Variants in SHQ1 observed in about 807,000 individuals in gnomAD.
SHQ1 encodes the protein protein SHQ1 homolog.
A neutral mutation model predicts 53.8 loss-of-function variants in SHQ1; 49 were observed. That is an observed-to-expected ratio of 0.91 (90% confidence interval 0.72 to 1.16). SHQ1 has a LOEUF of 1.16. Ranked by LOEUF, SHQ1 falls within the 50% of genes most tolerant of loss-of-function variation. The pLI is 0.00. For synonymous variants in SHQ1, 243 were observed against 251.0 expected (o/e 0.97, Z 0.30); for missense variants, 738 against 683.1 (o/e 1.08, Z -0.90).
chr3:72,823,029 G>C (rs1466463897), intron 6 of SHQ1, among the ~76,000 whole-genome samples: 1 of 151,726 alleles, frequency 6.6e-6, no homozygotes, highest in Non-Finnish European at 1.5e-5. Context: ...GGTGCCTGTA[G>C]TCCCAGCTAC....
intron 10 of SHQ1, among the ~76,000 whole-genome samples, chr3:72,778,384 G>A (rs1706001412): frequency 6.6e-6 from 1 of 151,940 alleles, no homozygotes; most frequent in East Asian, 1.9e-4. Flanking sequence ...AGGAGTTTGA[G>A]GCTGCAGTGA....
At chr3:72,772,671 T>A in intron 10 of SHQ1, 1 of 720,450 alleles carries the variant, frequency 1.4e-6, no homozygotes, top group Non-Finnish European at 2.6e-6. Context: ...TTGATGGTGC[T>A]TCCATCAAGT....
At chr3:72,762,683 T>C (rs1169778393) in intron 10 of SHQ1, among the ~76,000 whole-genome samples, 1 of 152,074 alleles carries the variant, frequency 6.6e-6, no homozygotes, top group Non-Finnish European at 1.5e-5. Context: ...TGCCTCCAGT[T>C]TTTTTTCTTG....
downstream of SHQ1, among the ~76,000 whole-genome samples, chr3:72,745,411 G>A (rs1457295034): frequency 6.6e-6 from 1 of 152,116 alleles, no homozygotes; most frequent in Non-Finnish European, 1.5e-5. Flanking sequence ...CCACAGCAAG[G>A]CCTCCGATTA....
chr3:72,784,337 ATT>A (rs1706162303), intron 10 of SHQ1, among the ~76,000 whole-genome samples: 1 of 152,174 alleles, frequency 6.6e-6, no homozygotes, highest in Non-Finnish European at 1.5e-5. Context: ...TTATTGGCAC[ATT>A]TCTTGTAAGA....
At chr3:72,781,821 T>C (rs1706082606) in intron 10 of SHQ1, among the ~76,000 whole-genome samples, 1 of 152,168 alleles carries the variant, frequency 6.6e-6, no homozygotes. Context: ...CTAAAAATCA[T>C]TTTTGCCATC....
At chr3:72,813,196 G>T (rs1707178541) in intron 8 of SHQ1, among the ~76,000 whole-genome samples, 1 of 152,196 alleles carries the variant, frequency 6.6e-6, no homozygotes, top group Non-Finnish European at 1.5e-5. Flanking sequence ...AACTCACCGG[G>T]AGTGGTGGCT....
At chr3:72,844,115 C>A (rs560980517) in intron 2 of SHQ1, among the ~76,000 whole-genome samples, 1 of 152,228 alleles carries the variant, frequency 6.6e-6, no homozygotes, top group East Asian at 1.9e-4. Flanking sequence ...AGGGGAAGTA[C>A]TCTAGGAAAT....
In SHQ1 at chr3:72,812,734, G is replaced by C. The variant is rs759531964; in HGVS notation, c.997C>G (p.Leu333Val). The change falls in exon 9 of 11, where the codon CTC becomes GTC. Residue 333 changes from leucine (L) to valine (V), a missense_variant. Physicochemically the swap from Leu to Val is conservative, Grantham distance 32. Coordinates refer to ENST00000325599, the MANE Select transcript of SHQ1 (RefSeq NM_018130.3). ...ATCACCAGCTTGAAATGGCGATAGA[G>C]TGGGTAACACAACACCCTTCTTCCA... ...SFGRRVLCYPLYRHFKLVMKA... is the reference protein window; with the variant it reads ...SFGRRVLCYPVYRHFKLVMKA... 1.2e-6 allele frequency: 2 copies of C among 1,613,942 alleles called. No homozygotes were observed. The highest frequency in any genetic ancestry group is 4.5e-5 in the East Asian group (2 of 44,860).
At chr3:72,749,097 T>C (rs1354164576), downstream of SHQ1, among the ~76,000 whole-genome samples, 3 of 152,168 alleles carry the variant, frequency 2.0e-5, no homozygotes, top group African/African-American at 7.2e-5. Flanking sequence ...ATAACCATCA[T>C]GTGGAAGACT....
chr3:72,810,661 T>C (rs868047241), intron 9 of SHQ1, among the ~76,000 whole-genome samples: 1 of 152,210 alleles, frequency 6.6e-6, no homozygotes, highest in South Asian at 2.1e-4. Context: ...AAACCAGAGC[T>C]ACCTTTATTT....
the SHQ1 span, among the ~76,000 whole-genome samples, chr3:72,727,831 C>T: frequency 2.0e-5 from 3 of 152,136 alleles, no homozygotes. Context: ...GACCAGATCA[C>T]CTCCGCTCAC....
intron 10 of SHQ1, among the ~76,000 whole-genome samples, chr3:72,769,450 T>C (rs1301705903): frequency 3.3e-5 from 5 of 152,166 alleles, no homozygotes; most frequent in African/African-American, 1.2e-4. Context: ...TATATCTCAA[T>C]ACGTACCTGC....
At chr3:72,769,261 T>A (rs1705797181) in intron 10 of SHQ1, among the ~76,000 whole-genome samples, 1 of 152,214 alleles carries the variant, frequency 6.6e-6, no homozygotes, top group Non-Finnish European at 1.5e-5. Context: ...ACTTCCGTTA[T>A]TTCAAGAGCA....
intron 10 of SHQ1, among the ~76,000 whole-genome samples, chr3:72,779,665 A>T (rs1706033536): frequency 6.6e-6 from 1 of 152,196 alleles, no homozygotes; most frequent in Non-Finnish European, 1.5e-5. Context: ...CAGATACTCA[A>T]GTCTAAAGCA....
intron 6 of SHQ1, 98 bp from the exon 7 acceptor site, chr3:72,817,482 G>T: frequency 1.7e-6 from 2 of 1,152,050 alleles, no homozygotes; most frequent in Non-Finnish European, 2.4e-6. Context: ...TATAGAAACT[G>T]AAATAAAAGT....
chr3:72,806,725 T>C (rs1302847878), intron 9 of SHQ1, among the ~76,000 whole-genome samples: 4 of 152,118 alleles, frequency 2.6e-5, no homozygotes, highest in Non-Finnish European at 5.9e-5. Flanking sequence ...CCTCACATGG[T>C]TTACTCACAA....
intron 5 of SHQ1, among the ~76,000 whole-genome samples, chr3:72,829,261 G>T (rs989349045): frequency 6.6e-6 from 1 of 152,100 alleles, no homozygotes; most frequent in African/African-American, 2.4e-5. Flanking sequence ...CAAGTCAGTG[G>T]GATGCCTAGT....
intron 10 of SHQ1, among the ~76,000 whole-genome samples, chr3:72,758,560 A>AT (rs201098371): frequency 7.5e-6 from 1 of 134,132 alleles, no homozygotes; most frequent in African/African-American, 3.0e-5. Flanking sequence ...TGAGGCTACT[A>AT]TTTTTTCTTT....
Sources: allele counts gnomAD v4.1 joint callset (sites outside exome capture counted in the v4.1 genomes callset), GRCh38; gene constraint gnomAD v4.1.1; transcripts MANE v1.5; gene names NCBI Gene and HGNC (gene_info 2026-07-23, HGNC 2026-07-21).